PAPSS1: variants seen among roughly 807,000 people sequenced by gnomAD.
PAPSS1 encodes bifunctional 3'-phosphoadenosine 5'-phosphosulfate synthase 1.
Under a neutral mutation model 72.0 loss-of-function variants are expected in PAPSS1, and 50 were observed. The observed-to-expected ratio is 0.69, with a 90% confidence interval of 0.55 to 0.88. The LOEUF (loss-of-function observed/expected upper bound fraction) is 0.88, where lower values mean the gene tolerates loss of function less well. PAPSS1 is among the 40% of genes least tolerant of loss of function. The pLI, the probability that PAPSS1 is intolerant of heterozygous loss-of-function variation, is 0.00. For synonymous variants in PAPSS1, 261 were observed against 263.6 expected (o/e 0.99, Z 0.09); for missense variants, 657 against 782.2 (o/e 0.84, Z 1.91).
intron 5 of PAPSS1, among the ~76,000 whole-genome samples, chr4:107,663,965 G>A (rs761568911): frequency 6.6e-6 from 1 of 152,130 alleles, no homozygotes; most frequent in Non-Finnish European, 1.5e-5. Flanking sequence ...CTTCCAATGC[G>A]TTGGTAAGGT....
chr4:107,694,968 G>T (rs1404604749), intron 2 of PAPSS1, among the ~76,000 whole-genome samples: 1 of 150,402 alleles, frequency 6.6e-6, no homozygotes, highest in Non-Finnish European at 1.5e-5. Flanking sequence ...AAAAATAGAA[G>T]AGAGGGCTTT....
intron 3 of PAPSS1, among the ~76,000 whole-genome samples, chr4:107,689,872 G>A (rs1023759770): frequency 2.0e-5 from 3 of 152,086 alleles, no homozygotes; most frequent in African/African-American, 7.2e-5. Flanking sequence ...CTCCTATCCT[G>A]TACTTCATAA....
chr4:107,702,294 T>C (rs1196756172), intron 1 of PAPSS1, among the ~76,000 whole-genome samples: 1 of 152,194 alleles, frequency 6.6e-6, no homozygotes, highest in Non-Finnish European at 1.5e-5. Context: ...AGAGTTATCA[T>C]ATGACCAAAC....
At chr4:107,663,101 T>C (rs1727230388) in intron 5 of PAPSS1, among the ~76,000 whole-genome samples, 1 of 152,100 alleles carries the variant, frequency 6.6e-6, no homozygotes, top group South Asian at 2.1e-4. Flanking sequence ...AGTCAGGCAC[T>C]CATTAGGACT....
intron 9 of PAPSS1, among the ~76,000 whole-genome samples, chr4:107,645,756 T>A (rs1043146670): frequency 6.6e-6 from 1 of 152,144 alleles, no homozygotes; most frequent in Non-Finnish European, 1.5e-5. Flanking sequence ...ACCTTTCCAA[T>A]CCAGTTAGAG....
At chr4:107,643,232 C>A (rs1195653675) in intron 10 of PAPSS1, among the ~76,000 whole-genome samples, 1 of 152,172 alleles carries the variant, frequency 6.6e-6, no homozygotes, top group African/African-American at 2.4e-5. Flanking sequence ...TGCTGTGATG[C>A]AATACTCAGG....
intron 2 of PAPSS1, 71 bp downstream of exon 2, chr4:107,701,100 C>G: frequency 1.1e-6 from 1 of 883,138 alleles, no homozygotes; most frequent in Non-Finnish European, 1.8e-6. Context: ...TTTAAATATG[C>G]TTACGCCTAG....
intron 1 of PAPSS1, among the ~76,000 whole-genome samples, chr4:107,707,294 C>A (rs1463898198): frequency 1.3e-5 from 2 of 152,194 alleles, no homozygotes; most frequent in Non-Finnish European, 2.9e-5. Context: ...CTGCCTGTGA[C>A]AGCCAGCCTG....
intron 5 of PAPSS1, among the ~76,000 whole-genome samples, chr4:107,660,597 A>T (rs1248625025): frequency 1.3e-5 from 2 of 152,138 alleles, no homozygotes; most frequent in African/African-American, 4.8e-5. Context: ...GCAGCCTGGA[A>T]TTTTTATCCA....
chr4:107,636,513 A>G (rs1726388266), intron 10 of PAPSS1, among the ~76,000 whole-genome samples: 1 of 152,156 alleles, frequency 6.6e-6, no homozygotes, highest in South Asian at 2.1e-4. Flanking sequence ...CGTGCAACTC[A>G]AGGAAGACGA....
intron 1 of PAPSS1, among the ~76,000 whole-genome samples, chr4:107,712,872 G>A (rs1287133020): frequency 1.4e-4 from 9 of 64,996 alleles, no homozygotes; most frequent in Admixed American, 7.5e-4. Context: ...ACTCCGTCTC[G>A]GGAAAGAAAA....
chr4:107,670,983 G>C (rs1444714738), intron 5 of PAPSS1, among the ~76,000 whole-genome samples: 1 of 152,192 alleles, frequency 6.6e-6, no homozygotes, highest in Non-Finnish European at 1.5e-5. Flanking sequence ...ACACAGAACT[G>C]GAGTTGTGGT....
chr4:107,631,743 C>T lies in PAPSS1; in HGVS notation c.1624G>A (p.Gly542Ser). Residue 542 changes from glycine (G) to serine (S), a missense_variant, in exon 11 of 12, where the codon GGT becomes AGT. By Grantham distance (56) the Gly-to-Ser change is moderately conservative. Coordinates refer to ENST00000265174, the MANE Select transcript of PAPSS1 (RefSeq NM_005443.5). Reference sequence around the variant, plus strand: ...GGGGCCATCGTCAGCACTTTGGCACCATGACTTGGCTCATAAAGATCCTTC... The same window carrying T: ...GGGGCCATCGTCAGCACTTTGGCACTATGACTTGGCTCATAAAGATCCTTC... The part of the protein sequence containing the change: ...TGKDLYEPSH[G>S]AKVLTMAPGL... 6.2e-7 allele frequency: 1 copy of T among 1,614,058 alleles called. No individual in the cohort carries two copies. The highest frequency in any genetic ancestry group is 1.1e-5 in the South Asian group (1 of 91,080).
intron 4 of PAPSS1, 22 bp downstream of exon 4, chr4:107,687,017 C>A: frequency 6.3e-7 from 1 of 1,588,590 alleles, no homozygotes. Flanking sequence ...CAAAGTGAAA[C>A]TGGGAAGAAA....
At position 107,720,120 on chromosome 4, in the gene PAPSS1, C is replaced by T; in HGVS notation, c.60G>A (p.Trp20Ter). 6.2e-7 allele frequency: 1 copy of T among 1,605,678 alleles called. No individual in the cohort carries two copies. The highest frequency in any genetic ancestry group is 8.5e-7 in the Non-Finnish European group (1 of 1,176,324). Residue 20 changes from tryptophan to a stop codon, truncating the protein, a stop_gained and splice_region_variant, in exon 1 of 12, where the codon TGG (tryptophan) becomes TGA (stop). Transcript: ENST00000265174. LOFTEE classifies it high-confidence loss of function. The part of the protein sequence containing the change: ...KVKLSNNAQN[W>*]GMQRATNVTY... Reference sequence around the variant, plus strand: ...CGTCTCGCCTTCGTCCCCAGCTTACCCAGTTCTGCGCGTTATTGCTCAGTT... The same window carrying T: ...CGTCTCGCCTTCGTCCCCAGCTTACTCAGTTCTGCGCGTTATTGCTCAGTT...
intron 5 of PAPSS1, among the ~76,000 whole-genome samples, chr4:107,668,840 C>T (rs1368422732): frequency 6.6e-6 from 1 of 151,894 alleles, no homozygotes; most frequent in Non-Finnish European, 1.5e-5. Flanking sequence ...TAGTTCTGTC[C>T]CTCTAGAGAA....
intron 1 of PAPSS1, among the ~76,000 whole-genome samples, chr4:107,714,748 G>A (rs1723591204): frequency 6.6e-6 from 1 of 152,086 alleles, no homozygotes. Context: ...ATTGCCAAAT[G>A]CCCCCTAGGG....
chr4:107,655,079 G>GGAGAAT (rs977766702), intron 7 of PAPSS1, among the ~76,000 whole-genome samples, 179 bp from the exon 8 acceptor site: 1 of 147,432 alleles, frequency 6.8e-6, no homozygotes, highest in African/African-American at 2.5e-5. Context: ...ATAAGGTCAG[G>GGAGAAT]GAGAATGAGC....
chr4:107,694,520 G>A (rs1723018227), intron 2 of PAPSS1, among the ~76,000 whole-genome samples: 1 of 137,128 alleles, frequency 7.3e-6, no homozygotes, highest in Non-Finnish European at 1.7e-5. Flanking sequence ...TAGCAGACAT[G>A]GTTGGGAATT....
Sources: gnomAD v4.1 joint callset for allele counts (sites outside exome capture counted in the v4.1 genomes callset) on GRCh38, gnomAD v4.1.1 for gene constraint, MANE v1.5 for transcripts, NCBI Gene and HGNC (gene_info 2026-07-23, HGNC 2026-07-21) for gene names.